TMCO4: variants seen among roughly 807,000 people sequenced by gnomAD.
TMCO4 encodes the protein transmembrane and coiled-coil domain-containing protein 4.
Under a neutral mutation model 64.7 loss-of-function variants are expected in TMCO4, and 58 were observed. The ratio of observed to expected loss-of-function variants is 0.90; its 90% CI spans 0.73 to 1.12. The LOEUF is 1.12. Ranked by LOEUF, TMCO4 falls within the 50% of genes most tolerant of loss-of-function variation. The pLI, the probability that TMCO4 is intolerant of heterozygous loss-of-function variation, is 0.00. For missense variants in TMCO4, 780 were observed against 825.9 expected (o/e 0.94, Z 0.68); for synonymous variants, 325 against 346.1 (o/e 0.94, Z 0.68).
At chr1:19,753,310 C>T (rs1452395903) in intron 7 of TMCO4, among the ~76,000 whole-genome samples, 2 of 152,190 alleles carry the variant, frequency 1.3e-5, no homozygotes, top group African/African-American at 4.8e-5. Flanking sequence ...TCTTCTGAGA[C>T]TCTACTATGT....
chr1:19,704,146 T>C (rs950348506), intron 13 of TMCO4, among the ~76,000 whole-genome samples: 5 of 152,228 alleles, frequency 3.3e-5, no homozygotes, highest in African/African-American at 1.2e-4. Flanking sequence ...AGTTCCCCTC[T>C]GGCTCTGAGG....
chr1:19,799,798 G>A (rs2044514579), intron 1 of TMCO4, 57 bp downstream of exon 1: 2 of 152,034 alleles, frequency 1.3e-5, no homozygotes, highest in African/African-American at 2.4e-5. Flanking sequence ...CCGGCGGGGA[G>A]TGGCCCAGCG....
intron 13 of TMCO4, among the ~76,000 whole-genome samples, chr1:19,723,864 G>A (rs2095397136): frequency 6.6e-6 from 1 of 152,170 alleles, no homozygotes; most frequent in Non-Finnish European, 1.5e-5. Context: ...TGGGTTAACA[G>A]TGAAGCAGAG....
chr1:19,693,164 CAAAAAAAAAAAAAAAAAAAAAA>C (rs57031243), intron 15 of TMCO4, among the ~76,000 whole-genome samples: 1 of 19,956 alleles, frequency 5.0e-5, no homozygotes, highest in African/African-American at 1.3e-4. Context: ...GACCCCATCT[CAAAAAAAAAAAAAAAAAAAAAA>C]AAAAAAAAAA....
At chr1:19,759,320 C>T (rs1001225948) in intron 6 of TMCO4, among the ~76,000 whole-genome samples, 1 of 152,098 alleles carries the variant, frequency 6.6e-6, no homozygotes, top group Non-Finnish European at 1.5e-5. Flanking sequence ...CAACCACCAG[C>T]CGCCTCACTG....
intron 6 of TMCO4, among the ~76,000 whole-genome samples, chr1:19,769,233 C>T (rs1222416356): frequency 6.6e-6 from 1 of 152,224 alleles, no homozygotes; most frequent in Admixed American, 6.5e-5. Flanking sequence ...TGAGATGTCA[C>T]TTCTGAGCCC....
rs943927566 is a variant in TMCO4 at position 19,771,823 on chromosome 1, T to C, written c.180-341A>G. On this transcript the variant is annotated intron_variant, in intron 4 of 15. Coordinates refer to ENST00000294543, the MANE Select transcript of TMCO4 (RefSeq NM_181719.7). ...AGGTGCCCGCCACCACGCTTGGCTA[T>C]TTTTTTGTATTTTTAGTAGAGACAG... Among the ~76,000 whole-genome samples the C allele has an allele frequency of 2.0e-5, 3 of 151,936 alleles. 1 individual carries two copies. The highest frequency in any genetic ancestry group is 4.4e-5 in the Non-Finnish European group (3 of 67,988).
Position 19,700,230 on chromosome 1 carries a change from C to A in TMCO4, c.1382+538G>T, listed in dbSNP as rs145242323. Among the ~76,000 whole-genome samples the A allele has an allele frequency of 8.9e-3, 1,361 of 152,246 alleles. 20 individuals are homozygous for A. Among genetic ancestry groups the A allele is most frequent in the African/African-American group, 0.03 (1,261 of 41,538 alleles). On this transcript the variant is annotated intron_variant, in intron 14 of 15. Transcript: ENST00000294543. ...AGCCGCCAGCCTTCACGGGCCCCCT[C>A]CTCTGGCTGGAGGGTCTGTCACCCT...
intron 1 of TMCO4, among the ~76,000 whole-genome samples, chr1:19,798,715 T>TC (rs1194996067): frequency 1.3e-5 from 2 of 152,156 alleles, no homozygotes; most frequent in Admixed American, 1.3e-4. Flanking sequence ...GCCAGTGGTC[T>TC]CCCCTGTGCC....
Position 19,755,741 on chromosome 1 carries a change from G to A in TMCO4, c.408C>T (p.Val136=). Residue 136 remains valine, a synonymous_variant, in exon 7 of 16, where the codon GTC becomes GTT. Transcript: ENST00000294543. ...KDGHYDARAR[V]LVCHMTSLLQ... is the part of the protein sequence containing the mutation. Reference sequence around the variant, plus strand: ...GCAGGGAGGTCATGTGGCAAACGAGGACTCTGGCCCGGGCGTCATAGTGCC... The same window carrying A: ...GCAGGGAGGTCATGTGGCAAACGAGAACTCTGGCCCGGGCGTCATAGTGCC... 3 of 1,614,112 alleles carry A rather than the reference G, an allele frequency of 1.9e-6. No individual in the cohort carries two copies. The highest frequency in any genetic ancestry group is 2.5e-6 in the Non-Finnish European group (3 of 1,180,024).
chr1:19,748,815 C>A (rs1027531617), intron 7 of TMCO4, among the ~76,000 whole-genome samples: 6 of 150,184 alleles, frequency 4.0e-5, no homozygotes, highest in African/African-American at 9.8e-5. Context: ...CAGAGTGAGA[C>A]CCTGTCTCGA....
chr1:19,786,553 T>C (rs2043753546), intron 3 of TMCO4, among the ~76,000 whole-genome samples: 2 of 151,982 alleles, frequency 1.3e-5, no homozygotes, highest in African/African-American at 4.8e-5. Flanking sequence ...GCTTGGACAA[T>C]GGGTGGGCGT....
At chr1:19,686,834 G>C (rs1180600257) in intron 15 of TMCO4, among the ~76,000 whole-genome samples, 1 of 152,218 alleles carries the variant, frequency 6.6e-6, no homozygotes, top group African/African-American at 2.4e-5. Context: ...TAAAATGAGA[G>C]TCATGACCTT....
In TMCO4 at chr1:19,734,331, G is replaced by T. The variant is rs1393701525; in HGVS notation, c.1264+3041C>A. On this transcript the variant is annotated intron_variant, in intron 13 of 15. Coordinates refer to ENST00000294543, the MANE Select transcript of TMCO4 (RefSeq NM_181719.7). The surrounding 1 kb of genome is among the most constrained non-coding windows in gnomAD (Gnocchi z 4.4). ...GCATTAGAGGCCCTTGGGGTCTGCC[G>T]AGTTGCTGCCGTGTGAGTGTGTGCA... is the stretch of plus-strand genomic sequence containing the variant. 6.6e-6 allele frequency among the ~76,000 whole-genome samples: 1 copy of T among 151,990 alleles called. No individual in the cohort carries two copies. The highest frequency in any genetic ancestry group is 6.6e-5 in the Admixed American group (1 of 15,266).
chr1:19,699,486 CATATAT>C (rs10587817), intron 14 of TMCO4, among the ~76,000 whole-genome samples: 21,872 of 136,330 alleles, frequency 0.16, 1,828 homozygotes, highest in East Asian at 0.27. Context: ...TTTTCATATA[CATATAT>C]ATATATATAT....
At chr1:19,736,628 ACAGATCTGTCCAAAAC>A (rs1438817932) in intron 13 of TMCO4, among the ~76,000 whole-genome samples, 1 of 152,118 alleles carries the variant, frequency 6.6e-6, no homozygotes, top group African/African-American at 2.4e-5. Context: ...GCCCCTGCTG[ACAGATCTGTCCAAAAC>A]CAGCATTCTG....
rs570911886 is a variant in TMCO4 at position 19,726,877 on chromosome 1, A to G, written c.1264+10495T>C. Reference sequence around the variant, plus strand: ...TCTGAAGAGAAGATTCCTCGGCTACATGATGGATTTAAAATACTCATCCAG... The same window carrying G: ...TCTGAAGAGAAGATTCCTCGGCTACGTGATGGATTTAAAATACTCATCCAG... On this transcript the variant is annotated intron_variant, in intron 13 of 15. Transcript: ENST00000294543. 3.3e-5 allele frequency among the ~76,000 whole-genome samples: 5 copies of G among 152,360 alleles called. No individual in the cohort carries two copies. In the East Asian group the frequency reaches 9.6e-4, roughly 29 times the overall value.
chr1:19,688,318 G>A (rs1485808639), intron 15 of TMCO4, among the ~76,000 whole-genome samples: 1 of 152,082 alleles, frequency 6.6e-6, no homozygotes. Context: ...TGGGGTTTCC[G>A]TGGGAACCAG....
intron 7 of TMCO4, among the ~76,000 whole-genome samples, chr1:19,751,978 G>A (rs2042040130): frequency 6.6e-6 from 1 of 151,952 alleles, no homozygotes; most frequent in Non-Finnish European, 1.5e-5. Context: ...AACCCAGGAG[G>A]CGGAGCTTGC....
Sources: gnomAD v4.1 joint callset for allele counts (sites outside exome capture counted in the v4.1 genomes callset) on GRCh38, gnomAD v4.1.1 for gene constraint, Gnocchi (gnomAD v3.1) non-coding constraint, MANE v1.5 for transcripts, NCBI Gene and HGNC (gene_info 2026-07-23, HGNC 2026-07-21) for gene names.